The following DLC1 variants were observed in gnomAD, a reference collection of about 807,000 sequenced individuals.
DLC1 encodes rho GTPase-activating protein 7.
DLC1 carries 54 observed loss-of-function variants against 140.3 expected under a neutral mutation model. The ratio of observed to expected loss-of-function variants is 0.38; its 90% CI spans 0.31 to 0.48. The LOEUF (loss-of-function observed/expected upper bound fraction) is 0.48, where lower values mean the gene tolerates loss of function less well. DLC1 is among the 20% of genes least tolerant of loss of function. The pLI is 0.96. For missense variants in DLC1, 2,536 were observed against 1,907.0 expected (o/e 1.33, Z -6.14); for synonymous variants, 986 against 728.1 (o/e 1.35, Z -5.70).
chr8:13,248,035 C>T (rs1829837859), intron 5 of DLC1, among the ~76,000 whole-genome samples: 1 of 152,192 alleles, frequency 6.6e-6, no homozygotes, highest in Non-Finnish European at 1.5e-5. Context: ...AAACACAGTG[C>T]AAGTTATTTG....
intron 5 of DLC1, among the ~76,000 whole-genome samples, chr8:13,240,624 G>A (rs1353344237): frequency 6.6e-6 from 1 of 151,832 alleles, no homozygotes; most frequent in Non-Finnish European, 1.5e-5. Context: ...GTAGAGATGA[G>A]GCTTCCCTGT....
intron 2 of DLC1, among the ~76,000 whole-genome samples, chr8:13,488,941 T>A (rs908787452): frequency 2.6e-5 from 4 of 152,058 alleles, no homozygotes; most frequent in African/African-American, 7.2e-5. Flanking sequence ...GCTCAATTTT[T>A]TTTATTTTTT....
intron 1 of DLC1, among the ~76,000 whole-genome samples, chr8:13,514,036 C>CT (rs558076579): frequency 0.013 from 1,946 of 147,228 alleles, 43 homozygotes; most frequent in African/African-American, 0.045. Flanking sequence ...CACGTGTTTA[C>CT]TTTTTTTTTT....
At chr8:13,365,385 A>G (rs1215088954) in intron 4 of DLC1, among the ~76,000 whole-genome samples, 4 of 152,086 alleles carry the variant, frequency 2.6e-5, no homozygotes, top group Admixed American at 2.0e-4. Context: ...CCCTCCCTTG[A>G]AGGAGGAACT....
intron 13 of DLC1, among the ~76,000 whole-genome samples, chr8:13,091,986 C>G (rs1818115106): frequency 6.6e-6 from 1 of 152,206 alleles, no homozygotes; most frequent in Non-Finnish European, 1.5e-5. Context: ...GTGGCTCACG[C>G]CTGTAATCCC....
intron 5 of DLC1, among the ~76,000 whole-genome samples, chr8:13,140,534 CT>C (rs568013642): frequency 4.9e-4 from 72 of 145,872 alleles, no homozygotes; most frequent in South Asian, 1.5e-3. Flanking sequence ...GCCTGGCCAA[CT>C]TTTTTTTTTT....
intron 4 of DLC1, among the ~76,000 whole-genome samples, chr8:13,331,589 C>G (rs1563259350): frequency 6.6e-6 from 1 of 151,930 alleles, no homozygotes; most frequent in Non-Finnish European, 1.5e-5. Flanking sequence ...ATATAATGCT[C>G]TCAAATTTAA....
intron 3 of DLC1, 119 bp downstream of exon 3, chr8:13,401,351 G>C (rs1169155315): frequency 7.6e-7 from 1 of 1,311,470 alleles, no homozygotes; most frequent in East Asian, 2.5e-5. Context: ...TTATGGTACT[G>C]TACTGGGGTT....
intron 5 of DLC1, among the ~76,000 whole-genome samples, chr8:13,267,779 C>T (rs1349023023): frequency 1.4e-5 from 2 of 142,056 alleles, no homozygotes; most frequent in Non-Finnish European, 1.5e-5. Context: ...TGTGCAATTG[C>T]CTAGATGTGC....
chr8:13,170,529 G>A (rs539251861), intron 5 of DLC1, among the ~76,000 whole-genome samples: 1 of 152,074 alleles, frequency 6.6e-6, no homozygotes, highest in Non-Finnish European at 1.5e-5. Context: ...AGGAAATCGA[G>A]ACCATCCTGG....
At chr8:13,245,926 T>G (rs1439053225) in intron 5 of DLC1, among the ~76,000 whole-genome samples, 2 of 152,112 alleles carry the variant, frequency 1.3e-5, no homozygotes, top group Non-Finnish European at 2.9e-5. Context: ...GGTCTTGAAC[T>G]CCTGACCTCA....
intron 1 of DLC1, among the ~76,000 whole-genome samples, chr8:13,589,731 T>A (rs1240699826): frequency 1.3e-5 from 2 of 151,546 alleles, no homozygotes; most frequent in Non-Finnish European, 2.9e-5. Context: ...CATACACCAG[T>A]GGGAACAGTT....
chr8:13,418,914 T>C (rs2117334864), intron 2 of DLC1, among the ~76,000 whole-genome samples: 2 of 152,204 alleles, frequency 1.3e-5, no homozygotes, highest in South Asian at 2.1e-4. Flanking sequence ...TAGTTCTCCT[T>C]GAAGAGGTCC....
chr8:13,354,544 G>C (rs924323535), intron 4 of DLC1, among the ~76,000 whole-genome samples: 2 of 152,042 alleles, frequency 1.3e-5, no homozygotes, highest in African/African-American at 4.8e-5. Context: ...AACTGAACTT[G>C]TTTGGTTAAA....
intron 4 of DLC1, among the ~76,000 whole-genome samples, chr8:13,318,562 A>G (rs748113144): frequency 3.3e-5 from 5 of 152,180 alleles, no homozygotes; most frequent in African/African-American, 1.2e-4. Context: ...TTCTGCACAT[A>G]TCCTTTACCA....
intron 5 of DLC1, among the ~76,000 whole-genome samples, chr8:13,204,002 T>C (rs1827532107): frequency 6.6e-6 from 1 of 152,140 alleles, no homozygotes; most frequent in South Asian, 2.1e-4. Context: ...GGGTCTTTGA[T>C]GTGTTTTGTG....
intron 4 of DLC1, among the ~76,000 whole-genome samples, chr8:13,317,666 C>G (rs1832912434): frequency 6.6e-6 from 1 of 151,782 alleles, no homozygotes; most frequent in Admixed American, 6.6e-5. Flanking sequence ...TAGGGAGGGC[C>G]TGAATTAAAG....
intron 5 of DLC1, among the ~76,000 whole-genome samples, chr8:13,137,568 C>G (rs1218468111): frequency 6.7e-6 from 1 of 148,574 alleles, no homozygotes; most frequent in Non-Finnish European, 1.5e-5. Flanking sequence ...TGCTCTTTTG[C>G]TCTTTCTTCA....
At chr8:13,330,165 A>G (rs73562591) in intron 4 of DLC1, among the ~76,000 whole-genome samples, 1,718 of 152,126 alleles carry the variant, frequency 0.011, 32 homozygotes, top group African/African-American at 0.039. Flanking sequence ...GAATCTTGCT[A>G]TGTTGCCCAG....
Sources: gnomAD v4.1 joint callset for allele counts (sites outside exome capture counted in the v4.1 genomes callset) on GRCh38, gnomAD v4.1.1 for gene constraint, MANE v1.5 for transcripts, NCBI Gene and HGNC (gene_info 2026-07-23, HGNC 2026-07-21) for gene names.